Variants in GRIN2A observed in about 807,000 individuals in gnomAD.
The protein encoded by GRIN2A is glutamate receptor ionotropic, NMDA 2A.
GRIN2A carries 22 observed loss-of-function variants against 113.4 expected under a neutral mutation model. The observed-to-expected ratio is 0.19, with a 90% confidence interval of 0.14 to 0.28. The LOEUF (loss-of-function observed/expected upper bound fraction) is 0.28. Ranked by LOEUF, GRIN2A falls within the 10% of genes least tolerant of loss-of-function variation. GRIN2A has a pLI of 1.00. For missense variants in GRIN2A, 1,502 were observed against 1,887.0 expected (o/e 0.80, Z 3.78); for synonymous variants, 827 against 738.4 (o/e 1.12, Z -1.94).
chr16:10,180,132 G>C lies in GRIN2A; in HGVS notation c.280C>G (p.Arg94Gly), dbSNP rs1282664179. Residue 94 changes from arginine (R) to glycine (G), a missense_variant, in exon 2 of 13, where the codon CGC (arginine) becomes GGC (glycine). By Grantham distance (125) the Arg-to-Gly change is moderately radical. Transcript: ENST00000330684. The surrounding 1 kb of genome is among the most constrained non-coding windows in gnomAD (Gnocchi z 7.0). Reference protein sequence around the residue: ...THVCDLMSGARIHGLVFGDDT... With the variant: ...THVCDLMSGAGIHGLVFGDDT... ...TCCCCAAACACGAGGCCGTGGATGC[G>C]TGCCCCGGACATGAGGTCGCACACG... The C allele has an allele frequency of 6.2e-7, 1 of 1,614,224 alleles. No individual in the cohort carries two copies.
chr16:10,074,177 T>C (rs2047821755), intron 2 of GRIN2A, among the ~76,000 whole-genome samples: 1 of 152,140 alleles, frequency 6.6e-6, no homozygotes, highest in Admixed American at 6.5e-5. Flanking sequence ...CACAATCAGA[T>C]AGCACTTCAC....
At chr16:9,910,122 G>T (rs550424283) in intron 3 of GRIN2A, among the ~76,000 whole-genome samples, 1 of 152,026 alleles carries the variant, frequency 6.6e-6, no homozygotes, top group Non-Finnish European at 1.5e-5. Flanking sequence ...GGACATCTAG[G>T]TTTACACTTT....
rs189957903 is a variant in GRIN2A, at chr16:9,851,566, T to C, written c.1123-1605A>G. Among the ~76,000 whole-genome samples the C allele has an allele frequency of 2.6e-3, 393 of 152,340 alleles. 1 individual carries two copies. Among genetic ancestry groups the C allele is most frequent in the African/African-American group, 8.9e-3 (370 of 41,574 alleles). On this transcript the variant is annotated intron_variant, in intron 4 of 12. Coordinates refer to ENST00000330684, the MANE Select transcript of GRIN2A (RefSeq NM_001134407.3). Reference sequence around the variant, plus strand: ...AAATATGCAAATAGATAAAGAAATATACAAGTGTTTCCTTTTGGAACATGT... The same window carrying C: ...AAATATGCAAATAGATAAAGAAATACACAAGTGTTTCCTTTTGGAACATGT...
intron 2 of GRIN2A, among the ~76,000 whole-genome samples, chr16:9,984,440 C>T (rs2045945561): frequency 6.6e-6 from 1 of 152,180 alleles, no homozygotes; most frequent in African/African-American, 2.4e-5. Flanking sequence ...CAGACCAATG[C>T]CCTGGAGTTT....
chr16:10,118,437 C>A (rs1166493045), intron 2 of GRIN2A, among the ~76,000 whole-genome samples: 2 of 152,092 alleles, frequency 1.3e-5, no homozygotes, highest in African/African-American at 2.4e-5. Flanking sequence ...TCTACAAGCA[C>A]CTGTTTTGCA....
chr16:10,118,273 T>C (rs564922610), intron 2 of GRIN2A, among the ~76,000 whole-genome samples: 93 of 152,320 alleles, frequency 6.1e-4, no homozygotes, highest in African/African-American at 2.2e-3. Context: ...CAAATAAATG[T>C]TCCTGTTTGG....
At chr16:9,888,328 T>C (rs1231689601) in intron 4 of GRIN2A, among the ~76,000 whole-genome samples, 1 of 152,222 alleles carries the variant, frequency 6.6e-6, no homozygotes, top group Non-Finnish European at 1.5e-5. Context: ...TAATGGTTTT[T>C]CATATTTGGT....
chr16:9,909,029 T>A (rs925027234), intron 3 of GRIN2A, among the ~76,000 whole-genome samples: 10 of 152,148 alleles, frequency 6.6e-5, no homozygotes, highest in African/African-American at 2.4e-4. Flanking sequence ...ACACTGCTGA[T>A]AAAGACATAC....
At chr16:9,956,096 G>A (rs1163449943) in intron 2 of GRIN2A, among the ~76,000 whole-genome samples, 2 of 152,152 alleles carry the variant, frequency 1.3e-5, no homozygotes, top group African/African-American at 4.8e-5. Flanking sequence ...CCTCCTAGCT[G>A]CTACTGGGTG....
rs139845860 is a variant in GRIN2A at position 10,044,221 on chromosome 16, A to G, written c.415-105670T>C. Among the ~76,000 whole-genome samples, 812 of 151,856 alleles carry G rather than the reference A, an allele frequency of 5.3e-3. 7 individuals are homozygous for G. Among genetic ancestry groups the G allele is most frequent in the African/African-American group, 0.018 (760 of 41,382 alleles). ...GCTAATTTTTGTATTTTTAGTAAAT[A>G]TGGGGTTTCACAATGTTGGCCAGGC... On this transcript the variant is annotated intron_variant, in intron 2 of 12. Transcript: ENST00000330684.
intron 3 of GRIN2A, among the ~76,000 whole-genome samples, chr16:9,917,252 T>C (rs947400760): frequency 6.6e-6 from 1 of 152,238 alleles, no homozygotes; most frequent in African/African-American, 2.4e-5. Context: ...AGCCATAATA[T>C]AGTGCAATTA....
intron 7 of GRIN2A, among the ~76,000 whole-genome samples, chr16:9,839,961 C>A (rs1410912078): frequency 1.3e-5 from 2 of 152,026 alleles, no homozygotes; most frequent in East Asian, 3.9e-4. Context: ...CCCATCTCTA[C>A]ACAAAAATTA....
chr16:9,839,951 C>T (rs954512386), intron 7 of GRIN2A, among the ~76,000 whole-genome samples: 9 of 152,014 alleles, frequency 5.9e-5, no homozygotes, highest in African/African-American at 2.2e-4. Flanking sequence ...ATGGCGAAAC[C>T]CCATCTCTAC....
At chr16:10,121,025 C>G (rs1008139354) in intron 2 of GRIN2A, among the ~76,000 whole-genome samples, 6 of 152,136 alleles carry the variant, frequency 3.9e-5, no homozygotes, top group African/African-American at 1.4e-4. Context: ...TAAGCTCATC[C>G]TTTCAAACCC....
chr16:9,911,290 C>T (rs1330823353), intron 3 of GRIN2A, among the ~76,000 whole-genome samples: 6 of 152,010 alleles, frequency 3.9e-5, no homozygotes, highest in African/African-American at 1.5e-4. Context: ...AGTTTGAGAC[C>T]AGCTTGGGTA....
chr16:10,123,148 T>C (rs1304064446), intron 2 of GRIN2A, among the ~76,000 whole-genome samples: 16 of 152,206 alleles, frequency 1.1e-4, no homozygotes, highest in Admixed American at 9.2e-4. Context: ...AAGTCCTTTT[T>C]GTCCTCTCAC....
chr16:9,858,093 G>A (rs1486616261), intron 4 of GRIN2A, among the ~76,000 whole-genome samples: 3 of 152,208 alleles, frequency 2.0e-5, no homozygotes, highest in Non-Finnish European at 4.4e-5. Context: ...ACTGGCTCAG[G>A]AATGTGCATG....
chr16:10,124,709 G>A (rs577732935), intron 2 of GRIN2A, among the ~76,000 whole-genome samples: 25 of 152,128 alleles, frequency 1.6e-4, no homozygotes, highest in Admixed American at 3.3e-4. Context: ...AAGTTGGCCC[G>A]TGTGTCAGGT....
chr16:9,932,999 C>A (rs886904500), intron 3 of GRIN2A, among the ~76,000 whole-genome samples: 6 of 152,112 alleles, frequency 3.9e-5, no homozygotes, highest in Non-Finnish European at 8.8e-5. Flanking sequence ...ATTCCACCAG[C>A]CAAACAGGTC....
Sources: allele counts gnomAD v4.1 joint callset (sites outside exome capture counted in the v4.1 genomes callset), GRCh38; gene constraint gnomAD v4.1.1; non-coding constraint Gnocchi (gnomAD v3.1); transcripts MANE v1.5; gene names NCBI Gene and HGNC (gene_info 2026-07-23, HGNC 2026-07-21).